LRRC8B: variants seen among roughly 807,000 people sequenced by gnomAD.
LRRC8B encodes leucine rich repeat containing 8 VRAC subunit B, also known as volume-regulated anion channel subunit LRRC8B.
A neutral mutation model predicts 58.8 loss-of-function variants in LRRC8B; 23 were observed. The observed-to-expected ratio is 0.39, with a 90% CI of 0.28 to 0.55. The LOEUF (loss-of-function observed/expected upper bound fraction) is 0.55. LRRC8B is among the 20% of genes least tolerant of loss of function. The pLI is 0.62. For missense variants in LRRC8B, 694 were observed against 936.0 expected (o/e 0.74, Z 3.37); for synonymous variants, 359 against 374.1 (o/e 0.96, Z 0.47).
chr1:89,569,063 A>G (rs976475585), intron 3 of LRRC8B, among the ~76,000 whole-genome samples: 3 of 152,210 alleles, frequency 2.0e-5, no homozygotes, highest in African/African-American at 7.2e-5. Context: ...CTTTGACACA[A>G]TGAATGAAGA....
intron 1 of LRRC8B, among the ~76,000 whole-genome samples, chr1:89,561,464 T>A (rs1652647541): frequency 8.2e-6 from 1 of 121,824 alleles, no homozygotes; most frequent in African/African-American, 3.1e-5. Context: ...TCCTTGCCCA[T>A]GCCTATGTCC....
At chr1:89,587,351 T>C (rs1034190050) in intron 5 of LRRC8B, among the ~76,000 whole-genome samples, 3 of 152,220 alleles carry the variant, frequency 2.0e-5, no homozygotes, top group African/African-American at 7.2e-5. Context: ...CTGGCCAATA[T>C]GGTGAAACCC....
chr1:89,571,705 C>A (rs1296875159), intron 3 of LRRC8B, among the ~76,000 whole-genome samples: 2 of 152,090 alleles, frequency 1.3e-5, no homozygotes. Context: ...GATTGCCCGG[C>A]AAAGACTTCA....
chr1:89,592,785 A>G lies in LRRC8B; in HGVS notation c.2154A>G (p.Pro718=). The G allele has an allele frequency of 2.5e-6, 4 of 1,613,894 alleles. No homozygotes were observed. The highest frequency in any genetic ancestry group is 2.7e-5 in the African/African-American group (2 of 74,932). Reference sequence around the variant, plus strand: ...TCCCTTTCCAGATTGAGATGCTACCAGATGGGCTGTTTCAGTGCAAAAAGC... The same window carrying G: ...TCCCTTTCCAGATTGAGATGCTACCGGATGGGCTGTTTCAGTGCAAAAAGC... ...AVTNNNIEML[P]DGLFQCKKLQ... The change falls in exon 6 of 6, where the codon CCA becomes CCG. Residue 718 remains proline, a synonymous_variant. Transcript: ENST00000330947.
chr1:89,538,987 G>A (rs1374937209), intron 1 of LRRC8B, among the ~76,000 whole-genome samples: 1 of 152,154 alleles, frequency 6.6e-6, no homozygotes, highest in African/African-American at 2.4e-5. Context: ...CTCCCAAAGT[G>A]CTGGGATTAC....
At chr1:89,525,336 G>A (rs747827242) in intron 1 of LRRC8B, among the ~76,000 whole-genome samples, 1 of 152,200 alleles carries the variant, frequency 6.6e-6, no homozygotes, top group Non-Finnish European at 1.5e-5. Context: ...TTTCCCCCGG[G>A]AGTCTCGGCG....
intron 3 of LRRC8B, among the ~76,000 whole-genome samples, chr1:89,579,111 T>G (rs1654051624): frequency 2.0e-5 from 3 of 152,196 alleles, no homozygotes. Flanking sequence ...CAGAAATCAC[T>G]TGGTGTGACA....
intron 2 of LRRC8B, 40 bp from the exon 3 acceptor site, chr1:89,568,399 A>G (rs1032550267): frequency 2.6e-5 from 4 of 152,150 alleles, no homozygotes; most frequent in African/African-American, 4.8e-5. Flanking sequence ...CAGTCCTATG[A>G]TGCGTAAAAT....
chr1:89,545,301 T>C (rs1321932225), intron 1 of LRRC8B, among the ~76,000 whole-genome samples: 2 of 152,242 alleles, frequency 1.3e-5, no homozygotes, highest in African/African-American at 4.8e-5. Flanking sequence ...CAGTGTACTT[T>C]ATCAGTTATA....
chr1:89,589,701 GTT>G (rs1316598747), intron 5 of LRRC8B, among the ~76,000 whole-genome samples: 1 of 147,474 alleles, frequency 6.8e-6, no homozygotes, highest in Admixed American at 6.9e-5. Context: ...ATTCAGCTGT[GTT>G]TCTTGAAATG....
chr1:89,562,181 A>ACACACACACACACACC lies in LRRC8B; in HGVS notation c.-240-6065_-240-6064insACACACACACACACCC, dbSNP rs1553157003. 2.7e-4 allele frequency among the ~76,000 whole-genome samples: 41 copies of ACACACACACACACACC among 149,930 alleles called. 1 individual carries two copies. Among genetic ancestry groups the ACACACACACACACACC allele is most frequent in the South Asian group, 1.5e-3 (7 of 4,708 alleles). On this transcript the variant is annotated intron_variant, in intron 1 of 5. Coordinates refer to ENST00000330947, the MANE Select transcript of LRRC8B (RefSeq NM_001369817.2). ...CACACACACACACACACACACACAC[A>ACACACACACACACACC]CCCTCTGCATTACCACCACCCATCC...
intron 1 of LRRC8B, among the ~76,000 whole-genome samples, chr1:89,553,829 C>A (rs114448442): frequency 0.021 from 3,197 of 152,212 alleles, 103 homozygotes; most frequent in African/African-American, 0.073. Context: ...AGGCTTCCTG[C>A]TGTCAATCTT....
In LRRC8B at chr1:89,555,715, A is replaced by G. The variant is rs7532718; in HGVS notation, c.-240-12532A>G. Reference sequence around the variant, plus strand: ...ACTTTCTTAGTCATTGACTCAGGGCATCAGTGACTTAAACGACTGCCTTGT... The same window carrying G: ...ACTTTCTTAGTCATTGACTCAGGGCGTCAGTGACTTAAACGACTGCCTTGT... On this transcript the variant is annotated intron_variant, in intron 1 of 5. Coordinates refer to ENST00000330947, the MANE Select transcript of LRRC8B (RefSeq NM_001369817.2). Among the ~76,000 whole-genome samples, 1,510 of 152,352 alleles carry G rather than the reference A, an allele frequency of 9.9e-3. 25 individuals are homozygous for G. Among genetic ancestry groups the G allele is most frequent in the African/African-American group, 0.034 (1,434 of 41,578 alleles).
In LRRC8B at chr1:89,546,832, T is replaced by A. The variant is rs866044091; in HGVS notation, c.-240-21415T>A. ...AGCTAAGTAAAAAAGACAAGAGATG[T>A]ATCAGAAATTTGGTTAATTGATAAT... On this transcript the variant is annotated intron_variant, in intron 1 of 5. Transcript: ENST00000330947. Among the ~76,000 whole-genome samples, 3 of 152,342 alleles carry A rather than the reference T, an allele frequency of 2.0e-5. 1 individual carries two copies. The Middle Eastern group carries it at 0.01, about 518-fold the overall frequency.
rs145776623 is a variant in LRRC8B, at chr1:89,551,957, G to A, written c.-240-16290G>A. Among the ~76,000 whole-genome samples the A allele has an allele frequency of 1.1e-4, 16 of 152,210 alleles. No homozygotes were observed. The East Asian group carries it at 1.2e-3, about 11-fold the overall frequency. ...ATATATTTATATACATGCATGTACC[G>A]TGCTAATAGATTTGTCTGTCACTGC... is the stretch of plus-strand genomic sequence containing the variant. On this transcript the variant is annotated intron_variant, in intron 1 of 5. Transcript: ENST00000330947.
intron 5 of LRRC8B, among the ~76,000 whole-genome samples, chr1:89,591,899 G>A (rs934669285): frequency 9.2e-5 from 14 of 152,256 alleles, no homozygotes; most frequent in African/African-American, 1.2e-4. Flanking sequence ...GGTAGGGAGC[G>A]GTGGTATGTG....
intron 1 of LRRC8B, among the ~76,000 whole-genome samples, chr1:89,526,242 T>A (rs1403015816): frequency 6.6e-6 from 1 of 152,150 alleles, no homozygotes; most frequent in Admixed American, 6.5e-5. Context: ...TGAGACGGAG[T>A]CTCACTCTGT....
rs761292496 is a variant in LRRC8B, at chr1:89,597,796, C to T, written c.*4753C>T. 1.2e-4 allele frequency: 19 copies of T among 152,060 alleles called. No homozygotes were observed. The highest frequency in any genetic ancestry group is 2.2e-4 in the Non-Finnish European group (15 of 68,010). The allele number at this position is 152,060 out of a possible 1,614,324, so 9.4% of individuals were successfully genotyped here. A position where few individuals can be genotyped will look rare whatever the true frequency, so the allele number is the denominator to read the frequency against. Reference sequence around the variant, plus strand: ...GGTAAACTTCACTGTTTTTAAAGTACCTTTTGTGTAAAATAAAGATCCAAT... The same window carrying T: ...GGTAAACTTCACTGTTTTTAAAGTATCTTTTGTGTAAAATAAAGATCCAAT... On this transcript the variant is annotated 3_prime_UTR_variant, in exon 6 of 6. Transcript: ENST00000330947.
At chr1:89,535,613 C>T (rs1302708924) in intron 1 of LRRC8B, among the ~76,000 whole-genome samples, 1 of 152,172 alleles carries the variant, frequency 6.6e-6, no homozygotes, top group Non-Finnish European at 1.5e-5. Flanking sequence ...TAATTACCGT[C>T]ATCCATTTTA....
Sources: allele counts gnomAD v4.1 joint callset (sites outside exome capture counted in the v4.1 genomes callset), GRCh38; gene constraint gnomAD v4.1.1; transcripts MANE v1.5; gene names NCBI Gene and HGNC (gene_info 2026-07-23, HGNC 2026-07-21).